Variants in DIAPH2 observed in about 807,000 individuals in gnomAD.
DIAPH2 encodes diaphanous related formin 2, also known as protein diaphanous homolog 2.
Under a neutral mutation model 92.7 loss-of-function variants are expected in DIAPH2, and 35 were observed. The observed-to-expected ratio is 0.38, with a 90% CI of 0.29 to 0.50. The LOEUF is 0.50. Ranked by LOEUF, DIAPH2 falls within the 20% of genes least tolerant of loss-of-function variation. The pLI is 0.94. For synonymous variants in DIAPH2, 301 were observed against 280.4 expected, an observed-to-expected ratio of 1.07 and a Z score of -0.73; for missense variants, 701 against 819.5, an observed-to-expected ratio of 0.86 and a Z score of 1.77.
chrX:96,988,321 G>A (rs1035549725), intron 17 of DIAPH2, among the ~76,000 whole-genome samples: 6 of 110,859 alleles, frequency 5.4e-5, no homozygotes, highest in African/African-American at 2.0e-4. Context: ...GCTTAAGTGT[G>A]ATGGTTATGG....
intron 4 of DIAPH2, among the ~76,000 whole-genome samples, chrX:96,778,314 A>G (rs1329376676): frequency 1.8e-5 from 2 of 111,104 alleles, no homozygotes; most frequent in Non-Finnish European, 3.8e-5. Flanking sequence ...CTACAGAATC[A>G]TTGTAAGAAT....
intron 5 of DIAPH2, among the ~76,000 whole-genome samples, chrX:96,899,454 G>A (rs2065375707): frequency 9.0e-6 from 1 of 110,991 alleles, no homozygotes; most frequent in African/African-American, 3.3e-5. Flanking sequence ...TCCCTTGTAA[G>A]TTGGATTCCT....
chrX:96,937,091 C>A, intron 10 of DIAPH2, 142 bp from the exon 11 acceptor site: 1 of 330,353 alleles, frequency 3.0e-6, no homozygotes. Flanking sequence ...GCTACAATTA[C>A]TTTCAGAAAA....
In DIAPH2 at chrX:97,185,369, G is replaced by GTGTGTA. The variant is rs1321769242; in HGVS notation, c.2719+43576_2719+43577insGTGTAT. ...TATATATATGTGTGTATATATATAT[G>GTGTGTA]TATATATATATGTATATATATATGT... On this transcript the variant is annotated intron_variant, in intron 22 of 26. Transcript: ENST00000324765. 9.0e-3 allele frequency among the ~76,000 whole-genome samples: 273 copies of GTGTGTA among 30,314 alleles called. 35 individuals carry two copies. The highest frequency in any genetic ancestry group is 0.059 in the South Asian group (43 of 730). The allele number at this position is 30,314 out of a possible 115,157, so 26.3% of individuals were successfully genotyped here. A position where few individuals can be genotyped will look rare whatever the true frequency, so the allele number is the denominator to read the frequency against.
chrX:97,485,523 G>A (rs1393889162), intron 26 of DIAPH2, among the ~76,000 whole-genome samples: 2 of 112,489 alleles, frequency 1.8e-5, no homozygotes, highest in Non-Finnish European at 3.8e-5. Context: ...ATCAACTTTT[G>A]ACCGTGATTG....
intron 17 of DIAPH2, among the ~76,000 whole-genome samples, chrX:97,046,071 G>A (rs192529399): frequency 5.6e-5 from 6 of 107,819 alleles, no homozygotes; most frequent in African/African-American, 1.7e-4. Context: ...TTAGCCAAGC[G>A]GTCTCGAACT....
chrX:97,332,353 A>C (rs1341071436), intron 23 of DIAPH2, among the ~76,000 whole-genome samples: 1 of 111,904 alleles, frequency 8.9e-6, no homozygotes, highest in Non-Finnish European at 1.9e-5. Flanking sequence ...CTCAGTTCAT[A>C]GATCTTTTGA....
intron 26 of DIAPH2, among the ~76,000 whole-genome samples, chrX:97,501,166 T>TA (rs2070795480): frequency 9.1e-6 from 1 of 110,346 alleles, no homozygotes; most frequent in Non-Finnish European, 1.9e-5. Flanking sequence ...GTACTCTTTT[T>TA]ACGTACAGAG....
In DIAPH2 at chrX:96,995,363, T is replaced by C. The variant is rs1007853187; in HGVS notation, c.2050+30156T>C. Among the ~76,000 whole-genome samples the C allele has an allele frequency of 1.2e-4, 13 of 111,637 alleles. No homozygotes were observed. The South Asian group carries it at 4.2e-3, about 36-fold the overall frequency. ...TAATACAGGAGGAATGTAACGTTTGTTAAGAGAAAGAAAGAATGAATTGTT... is the reference window on the plus strand; with the variant it reads ...TAATACAGGAGGAATGTAACGTTTGCTAAGAGAAAGAAAGAATGAATTGTT... On this transcript the variant is annotated intron_variant, in intron 17 of 26. Coordinates refer to ENST00000324765, the MANE Select transcript of DIAPH2 (RefSeq NM_006729.5).
At chrX:97,180,397 G>T (rs978349257) in intron 22 of DIAPH2, among the ~76,000 whole-genome samples, 12 of 111,649 alleles carry the variant, frequency 1.1e-4, no homozygotes, top group African/African-American at 3.9e-4. Flanking sequence ...GTAGATTCTG[G>T]ATATCAGACC....
At chrX:97,573,574 A>G (rs1270703759) in intron 26 of DIAPH2, among the ~76,000 whole-genome samples, 1 of 111,170 alleles carries the variant, frequency 9.0e-6, no homozygotes, top group Admixed American at 9.5e-5. Flanking sequence ...GCAACCAACT[A>G]GAAATGAAGT....
At chrX:96,709,339 T>A (rs1215856803) in intron 1 of DIAPH2, among the ~76,000 whole-genome samples, 1 of 111,954 alleles carries the variant, frequency 8.9e-6, no homozygotes, top group African/African-American at 3.2e-5. Flanking sequence ...GCAAAAGAAA[T>A]CTTTCTATGA....
chrX:97,445,422 T>G (rs1406494197), intron 26 of DIAPH2, among the ~76,000 whole-genome samples: 7 of 106,294 alleles, frequency 6.6e-5, no homozygotes, highest in East Asian at 5.7e-4. Flanking sequence ...TTCTTTTTTC[T>G]TTTTCTTTTT....
At chrX:97,448,177 C>T (rs1429017192) in intron 26 of DIAPH2, among the ~76,000 whole-genome samples, 3 of 111,764 alleles carry the variant, frequency 2.7e-5, no homozygotes, top group African/African-American at 9.7e-5. Flanking sequence ...GAGAACAAAA[C>T]AGACATAGTA....
At chrX:97,536,145 A>G (rs1204853014) in intron 26 of DIAPH2, among the ~76,000 whole-genome samples, 1 of 112,529 alleles carries the variant, frequency 8.9e-6, no homozygotes, top group African/African-American at 3.2e-5. Context: ...AGTATATCAT[A>G]AGGAAATATA....
rs56309139 is a variant in DIAPH2 at position 97,312,345 on chromosome X, CTTTTT to C, written c.2845-35748_2845-35744del. Among the ~76,000 whole-genome samples, 70 of 54,949 alleles carry C rather than the reference CTTTTT, an allele frequency of 1.3e-3. 2 individuals are homozygous for C. Among genetic ancestry groups the C allele is most frequent in the African/African-American group, 5.0e-3 (64 of 12,923 alleles). The allele number at this position is 54,949 out of a possible 115,157, so 47.7% of individuals were successfully genotyped here. A position where few individuals can be genotyped will look rare whatever the true frequency, so the allele number is the denominator to read the frequency against. On this transcript the variant is annotated intron_variant, in intron 23 of 26. Transcript: ENST00000324765. ...TTGATCACTTTTGATCAATAGAATC[CTTTTT>C]TTTTTTTTTTTTTTTTTTTTTTGAG...
intron 4 of DIAPH2, among the ~76,000 whole-genome samples, chrX:96,836,711 ATATATATTTTTTTTTTTTT>A (rs1469780614): frequency 4.1e-5 from 1 of 24,252 alleles, no homozygotes; most frequent in African/African-American, 1.7e-4. Context: ...ATATATATAT[ATATATATTTTTTTTTTTTT>A]TTTTTTTTTT....
intron 4 of DIAPH2, among the ~76,000 whole-genome samples, chrX:96,873,956 G>A (rs1274292909): frequency 9.0e-6 from 1 of 111,486 alleles, no homozygotes; most frequent in Non-Finnish European, 1.9e-5. Flanking sequence ...TACAATATTT[G>A]TTAAATAACA....
chrX:97,593,670 C>T (rs1393914541), intron 26 of DIAPH2, among the ~76,000 whole-genome samples: 1 of 111,037 alleles, frequency 9.0e-6, no homozygotes, highest in African/African-American at 3.3e-5. Flanking sequence ...ACCTACAACA[C>T]AAAATAAATA....
Sources: allele counts gnomAD v4.1 joint callset (sites outside exome capture counted in the v4.1 genomes callset), GRCh38; gene constraint gnomAD v4.1.1; transcripts MANE v1.5; gene names NCBI Gene and HGNC (gene_info 2026-07-23, HGNC 2026-07-21).